The following RELN variants were observed in gnomAD, a reference collection of about 807,000 sequenced individuals.
RELN encodes the protein reelin.
Under a neutral mutation model 427.6 loss-of-function variants are expected in RELN, and 108 were observed. That is an observed-to-expected ratio of 0.25 (90% CI 0.22 to 0.30). The LOEUF (loss-of-function observed/expected upper bound fraction) is 0.30. Among genes scored for constraint, RELN ranks in the 10% least tolerant of loss-of-function variants. The pLI, the probability that RELN is intolerant of heterozygous loss-of-function variation, is 1.00. For synonymous variants in RELN, 1,524 were observed against 1,513.4 expected (o/e 1.01, Z -0.16); for missense variants, 3,715 against 4,302.8 (o/e 0.86, Z 3.82).
chr7:103,629,945 G>T lies in RELN; in HGVS notation c.2697C>A (p.Thr899=), dbSNP rs368168602. 19 of 1,578,136 alleles carry T rather than the reference G, an allele frequency of 1.2e-5. No individual in the cohort carries two copies. The highest frequency in any genetic ancestry group is 1.7e-5 in the Non-Finnish European group (19 of 1,147,542). The change falls in exon 20 of 65, where the codon ACC becomes ACA. Residue 899 remains threonine (T), a synonymous_variant. Transcript: ENST00000428762. ...AACAATGATGAAATCCTTACCAAAG[G>T]GTCCAGTCGTGGCCACAGTATGGCT... ...NVQPYCGHDW[T]LCFTGDSKLA... is the part of the protein sequence containing the mutation.
chr7:103,980,450 GCTTTTA>G (rs1378238806), intron 1 of RELN, among the ~76,000 whole-genome samples: 1 of 151,964 alleles, frequency 6.6e-6, no homozygotes, highest in African/African-American at 2.4e-5. Flanking sequence ...AATAAAATTA[GCTTTTA>G]CTTTTCTTTG....
intron 3 of RELN, among the ~76,000 whole-genome samples, chr7:103,822,985 T>C (rs1450537127): frequency 2.0e-5 from 3 of 152,078 alleles, no homozygotes; most frequent in Non-Finnish European, 4.4e-5. Flanking sequence ...CTACCTGCAA[T>C]TGAAATACTA....
chr7:103,919,553 G>T (rs1371247823), intron 1 of RELN, among the ~76,000 whole-genome samples: 1 of 151,972 alleles, frequency 6.6e-6, no homozygotes, highest in African/African-American at 2.4e-5. Context: ...GCAGTTTTTG[G>T]TTTTCACATG....
intron 20 of RELN, among the ~76,000 whole-genome samples, chr7:103,614,923 T>C (rs1832047052): frequency 6.6e-6 from 1 of 152,186 alleles, no homozygotes; most frequent in Admixed American, 6.5e-5. Context: ...GGGTCTGTTT[T>C]TTTTCACAGA....
At chr7:103,666,365 C>A (rs982732881) in intron 11 of RELN, among the ~76,000 whole-genome samples, 2 of 152,056 alleles carry the variant, frequency 1.3e-5, no homozygotes, top group African/African-American at 2.4e-5. Flanking sequence ...AGCCACTGTG[C>A]CCCACTTCTT....
intron 6 of RELN, among the ~76,000 whole-genome samples, chr7:103,748,572 A>G (rs1790907290): frequency 6.6e-6 from 1 of 152,230 alleles, no homozygotes; most frequent in Admixed American, 6.5e-5. Flanking sequence ...TGAGAGAACC[A>G]TACCTCTTTT....
Position 103,654,159 on chromosome 7 carries a change from C to A in RELN, c.1488G>T (p.Leu496=). The part of the protein sequence containing the change: ...PGNSHENDII[L]YAKIEGRKEH... ...CTTTTCTTCCTTCAATTTTTGCATACAGGATTATGTCATTTTCATGAGAAT... is the reference window on the plus strand; with the variant it reads ...CTTTTCTTCCTTCAATTTTTGCATAAAGGATTATGTCATTTTCATGAGAAT... The change falls in exon 13 of 65, where the codon CTG becomes CTT. Residue 496 remains leucine, a synonymous_variant. Transcript: ENST00000428762. The A allele has an allele frequency of 6.2e-7, 1 of 1,611,648 alleles. No individual in the cohort carries two copies. Among genetic ancestry groups the A allele is most frequent in the African/African-American group, 1.3e-5 (1 of 74,916 alleles).
intron 8 of RELN, among the ~76,000 whole-genome samples, chr7:103,722,034 T>G (rs947882002): frequency 2.0e-5 from 3 of 152,204 alleles, no homozygotes; most frequent in Non-Finnish European, 2.9e-5. Context: ...TATTTTTGTT[T>G]TTTCTAACAC....
chr7:103,570,105 G>A (rs578256788), intron 31 of RELN, among the ~76,000 whole-genome samples: 2 of 152,114 alleles, frequency 1.3e-5, no homozygotes, highest in Admixed American at 6.6e-5. Context: ...TGAATTACAC[G>A]GCCGGCACTG....
chr7:103,808,463 TC>T (rs1390034848), intron 3 of RELN, among the ~76,000 whole-genome samples: 9 of 151,682 alleles, frequency 5.9e-5, no homozygotes, highest in African/African-American at 2.2e-4. Context: ...CAACTCCTGC[TC>T]CCCCTGGCAT....
chr7:103,974,890 C>T (rs1309325833), intron 1 of RELN, among the ~76,000 whole-genome samples: 1 of 152,212 alleles, frequency 6.6e-6, no homozygotes, highest in Non-Finnish European at 1.5e-5. Flanking sequence ...CATAGAGAAG[C>T]TTCTGGGAAT....
intron 8 of RELN, among the ~76,000 whole-genome samples, chr7:103,707,250 C>A (rs1834223527): frequency 6.6e-6 from 1 of 151,840 alleles, no homozygotes; most frequent in Admixed American, 6.6e-5. Flanking sequence ...AAAAGAAATA[C>A]ACAAAGATTA....
At chr7:103,927,875 TA>T (rs1323357035) in intron 1 of RELN, among the ~76,000 whole-genome samples, 2 of 152,198 alleles carry the variant, frequency 1.3e-5, no homozygotes, top group Non-Finnish European at 2.9e-5. Flanking sequence ...ATTAGTTATC[TA>T]AAGAGTGTTT....
intron 63 of RELN, among the ~76,000 whole-genome samples, chr7:103,480,053 A>C (rs945118949): frequency 2.0e-4 from 30 of 152,196 alleles, no homozygotes; most frequent in African/African-American, 7.0e-4. Context: ...CCCTGTTTGT[A>C]ACATACAGTT....
intron 11 of RELN, among the ~76,000 whole-genome samples, chr7:103,664,347 A>T (rs1014389012): frequency 6.6e-6 from 1 of 152,186 alleles, no homozygotes; most frequent in Non-Finnish European, 1.5e-5. Flanking sequence ...CTGTGAGAGA[A>T]ATGAGTCCTA....
chr7:103,795,105 C>T (rs1009089662), intron 3 of RELN, among the ~76,000 whole-genome samples: 1 of 152,032 alleles, frequency 6.6e-6, no homozygotes, highest in African/African-American at 2.4e-5. Flanking sequence ...TATAATATTC[C>T]CTAATGCCAA....
chr7:103,898,101 T>C (rs1795001598), intron 2 of RELN, among the ~76,000 whole-genome samples: 3 of 152,062 alleles, frequency 2.0e-5, no homozygotes, highest in Admixed American at 6.6e-5. Context: ...AGTGTGGATA[T>C]GGGTGTGTAG....
intron 1 of RELN, among the ~76,000 whole-genome samples, chr7:103,927,757 T>A (rs554975763): frequency 4.6e-5 from 7 of 152,180 alleles, no homozygotes; most frequent in Non-Finnish European, 7.4e-5. Context: ...GTGTTTTCAA[T>A]ATAGCTATAA....
At chr7:103,513,558 G>A (rs574174878) in intron 50 of RELN, 5 of 152,282 alleles carry the variant, frequency 3.3e-5, no homozygotes, top group Non-Finnish European at 7.4e-5. Flanking sequence ...TAGTAGTGGT[G>A]AGGGACATTT....
Sources: gnomAD v4.1 joint callset for allele counts (sites outside exome capture counted in the v4.1 genomes callset) on GRCh38, gnomAD v4.1.1 for gene constraint, MANE v1.5 for transcripts, NCBI Gene and HGNC (gene_info 2026-07-23, HGNC 2026-07-21) for gene names.